The following TJP3 variants were observed in gnomAD, a reference collection of about 807,000 sequenced individuals.
TJP3 encodes the protein tight junction protein 3, also known as tight junction protein ZO-3.
A neutral mutation model predicts 104.2 loss-of-function variants in TJP3; 85 were observed. The ratio of observed to expected loss-of-function variants is 0.82; its 90% CI spans 0.68 to 0.98. TJP3 has a LOEUF of 0.98. Among genes scored for constraint, TJP3 ranks in the 50% least tolerant of loss-of-function variants. The probability of loss-of-function intolerance (pLI) is 0.00; values close to 1 mark genes in which losing one functional copy is unlikely to be tolerated. For missense variants in TJP3, 1,367 were observed against 1,322.8 expected, an observed-to-expected ratio of 1.03 and a Z score of -0.52; for synonymous variants, 550 against 550.6, an observed-to-expected ratio of 1.00 and a Z score of 0.02.
intron 1 of TJP3, among the ~76,000 whole-genome samples, chr19:3,721,179 C>T (rs1175929555): frequency 6.6e-6 from 1 of 152,156 alleles, no homozygotes; most frequent in African/African-American, 2.4e-5. Context: ...GGATTACAGG[C>T]ATGAGCCACC....
chr19:3,726,146 G>A (rs1568380693), intron 1 of TJP3, among the ~76,000 whole-genome samples: 1 of 152,226 alleles, frequency 6.6e-6, no homozygotes, highest in Non-Finnish European at 1.5e-5. Context: ...GGGAGGAGGA[G>A]GAGTCACTTC....
chr19:3,718,209 AAAAGTGTGTGTGTGTGTGTGT>A (rs1276802383), intron 1 of TJP3, among the ~76,000 whole-genome samples: 1 of 103,148 alleles, frequency 9.7e-6, no homozygotes, highest in Non-Finnish European at 2.0e-5. Context: ...AAAAAAAAAA[AAAAGTGTGTGTGTGTGTGTGT>A]GTGTGTGTGT....
At chr19:3,741,238 C>T (rs1049412725) in intron 14 of TJP3, among the ~76,000 whole-genome samples, 2 of 151,972 alleles carry the variant, frequency 1.3e-5, no homozygotes, top group South Asian at 2.1e-4. Flanking sequence ...CGTGACCTCA[C>T]GATCCACCCG....
intron 15 of TJP3, 121 bp downstream of exon 15, chr19:3,744,155 G>T (rs891746829): frequency 2.4e-6 from 2 of 839,310 alleles, no homozygotes; most frequent in East Asian, 2.6e-5. Flanking sequence ...GGCCACCAGT[G>T]CCCCCCCCAA....
At chr19:3,717,073 C>G (rs2145665930) in intron 1 of TJP3, among the ~76,000 whole-genome samples, 1 of 145,838 alleles carries the variant, frequency 6.9e-6, no homozygotes, top group South Asian at 2.4e-4. Flanking sequence ...TCAAGCAATT[C>G]TCTTGCCTCA....
intron 5 of TJP3, among the ~76,000 whole-genome samples, chr19:3,731,445 C>T (rs888709552): frequency 1.3e-5 from 2 of 152,154 alleles, no homozygotes; most frequent in African/African-American, 2.4e-5. Flanking sequence ...CCAGCCTGAC[C>T]ACTATGATGA....
Position 3,744,162 on chromosome 19 carries a change from C to A in TJP3, c.1939+128C>A, listed in dbSNP as rs975234510. Reference sequence around the variant, plus strand: ...AGCAGATGGGCCACCAGTGCCCCCCCCAATACCCAAGCCAGACATCCTCAA... The same window carrying A: ...AGCAGATGGGCCACCAGTGCCCCCCACAATACCCAAGCCAGACATCCTCAA... On this transcript the variant is annotated intron_variant, in intron 15 of 20. Coordinates refer to ENST00000541714, the MANE Select transcript of TJP3 (RefSeq NM_001267560.2). The A allele has an allele frequency of 1.9e-5, 14 of 721,234 alleles. No individual in the cohort carries two copies. In the African/African-American group the frequency reaches 2.3e-4, roughly 12 times the overall value. The allele number at this position is 721,234 out of a possible 1,614,324, so 44.7% of individuals were successfully genotyped here. A position where few individuals can be genotyped will look rare whatever the true frequency, so the allele number is the denominator to read the frequency against.
At chr19:3,743,405 CA>C (rs1270982816) in intron 14 of TJP3, among the ~76,000 whole-genome samples, 2 of 152,150 alleles carry the variant, frequency 1.3e-5, no homozygotes, top group Non-Finnish European at 2.9e-5. Flanking sequence ...TCTGGTAGGC[CA>C]GGTGTCAACA....
chr19:3,738,825 C>T, intron 12 of TJP3, 72 bp from the exon 13 acceptor site: 1 of 1,441,816 alleles, frequency 6.9e-7, no homozygotes, highest in Non-Finnish European at 9.5e-7. Flanking sequence ...CCAGCCAGGC[C>T]CACTCTCGGG....
In TJP3 at chr19:3,738,923, G is replaced by C. The variant is rs1393322006; in HGVS notation, c.1420G>C (p.Val474Leu). 6.2e-7 allele frequency: 1 copy of C among 1,609,404 alleles called. No homozygotes were observed. Among genetic ancestry groups the C allele is most frequent in the Non-Finnish European group, 8.5e-7 (1 of 1,177,292 alleles). ...TTTCTGGAAAATGGTGCAGTCCCGC[G>C]TGGGTGACTCCTTCTACATCCGCAC... ...DIFWKMVQSRVGDSFYIRTHF... is the reference protein window; with the variant it reads ...DIFWKMVQSRLGDSFYIRTHF... Residue 474 changes from valine (V) to leucine (L), a missense_variant, in exon 13 of 21, where the codon GTG becomes CTG. Coordinates refer to ENST00000541714, the MANE Select transcript of TJP3 (RefSeq NM_001267560.2).
rs1400476887 is a variant in TJP3, at chr19:3,746,583, G to A, written c.2109G>A (p.Arg703=). The A allele has an allele frequency of 1.2e-6, 2 of 1,613,872 alleles. No individual in the cohort carries two copies. The highest frequency in any genetic ancestry group is 1.3e-5 in the African/African-American group (1 of 75,036). Residue 703 remains arginine (R), a synonymous_variant, in exon 17 of 21, where the codon CGG becomes CGA. Transcript: ENST00000541714. The surrounding 1 kb of genome is among the most constrained non-coding windows in gnomAD (Gnocchi z 4.1). ...TGGTCTTCTTCATCCCCGAGAGCCG[G>A]CCGGCCCTCAAGGCACTGCGCCAGT... is the stretch of plus-strand genomic sequence containing the variant. ...PIVVFFIPES[R]PALKALRQWL... is the part of the protein sequence containing the mutation.
rs1286931806 is a variant in TJP3 at position 3,730,397 on chromosome 19, G to C, written c.304G>C (p.Ala102Pro). ...PRRIHLPATKASPSSPGRQDS... is the reference protein window; with the variant it reads ...PRRIHLPATKPSPSSPGRQDS... ...GAGGATCCACCTGCCCGCCACCAAA[G>C]CCAGCCCCTCCAGCCCAGGGCGCCA... The change falls in exon 5 of 21, where the codon GCC (alanine) becomes CCC (proline). Residue 102 changes from alanine (A) to proline (P), a missense_variant. Ala to Pro is a conservative substitution (Grantham distance 27). Coordinates refer to ENST00000541714, the MANE Select transcript of TJP3 (RefSeq NM_001267560.2). The surrounding 1 kb of genome is among the most constrained non-coding windows in gnomAD (Gnocchi z 7.3). 15 of 1,563,702 alleles carry C rather than the reference G, an allele frequency of 9.6e-6. No homozygotes were observed. The highest frequency in any genetic ancestry group is 1.4e-5 in the African/African-American group (1 of 73,306).
At chr19:3,711,649 T>C (rs2036434862) in intron 1 of TJP3, among the ~76,000 whole-genome samples, 1 of 147,184 alleles carries the variant, frequency 6.8e-6, no homozygotes, top group Non-Finnish European at 1.5e-5. Flanking sequence ...TCCCAGCACT[T>C]TGGGAGGCCG....
chr19:3,723,806 AAAAT>A (rs199880923), intron 1 of TJP3, among the ~76,000 whole-genome samples: 4,094 of 96,236 alleles, frequency 0.043, 68 homozygotes, highest in East Asian at 0.092. Context: ...AGAAAAAAAA[AAAAT>A]ATATATATAT....
intron 6 of TJP3, among the ~76,000 whole-genome samples, chr19:3,732,897 G>A (rs1477893297): frequency 2.6e-5 from 4 of 151,110 alleles, no homozygotes; most frequent in African/African-American, 4.9e-5. Context: ...CATCCGCCTC[G>A]GCCTCCCAAA....
Position 3,740,551 on chromosome 19 carries a change from G to A in TJP3, c.1632-1G>A. On this transcript the variant is annotated splice_acceptor_variant, in intron 13 of 20. Transcript: ENST00000541714. LOFTEE classifies it high-confidence loss of function. ...TCAGTACTGTCCCCTCTTCTCCCCAGGGCGGAGCAGCTGGCCAGCCTGGAA... is the reference window on the plus strand; with the variant it reads ...TCAGTACTGTCCCCTCTTCTCCCCAAGGCGGAGCAGCTGGCCAGCCTGGAA... The A allele has an allele frequency of 1.4e-6, 2 of 1,467,666 alleles. No homozygotes were observed. The highest frequency in any genetic ancestry group is 1.8e-6 in the Non-Finnish European group (2 of 1,109,778). The allele number at this position is 1,467,666 out of a possible 1,614,324, so 90.9% of individuals were successfully genotyped here. A position where few individuals can be genotyped will look rare whatever the true frequency, so the allele number is the denominator to read the frequency against.
chr19:3,741,214 G>A (rs1396843193), intron 14 of TJP3, among the ~76,000 whole-genome samples: 1 of 151,940 alleles, frequency 6.6e-6, no homozygotes. Flanking sequence ...TGTTGGCCAG[G>A]CTGGTCTTGA....
At chr19:3,732,063 G>C in intron 6 of TJP3, 25 bp downstream of exon 6, 5 of 1,598,980 alleles carry the variant, frequency 3.1e-6, no homozygotes, top group Non-Finnish European at 4.3e-6. Flanking sequence ...CTTGTCCTGA[G>C]AGCAGGGAGA....
intron 18 of TJP3, among the ~76,000 whole-genome samples, chr19:3,747,398 G>A (rs1011074285): frequency 2.0e-5 from 3 of 152,066 alleles, no homozygotes; most frequent in Admixed American, 6.6e-5. Flanking sequence ...AGTGGGGCAC[G>A]GGAGCTCACG....
Sources: gnomAD v4.1 joint callset for allele counts (sites outside exome capture counted in the v4.1 genomes callset) on GRCh38, gnomAD v4.1.1 for gene constraint, Gnocchi (gnomAD v3.1) non-coding constraint, MANE v1.5 for transcripts, NCBI Gene and HGNC (gene_info 2026-07-23, HGNC 2026-07-21) for gene names.